COL11A1: variants seen among roughly 807,000 people sequenced by gnomAD.
The protein encoded by COL11A1 is collagen alpha-1(XI) chain.
A neutral mutation model predicts 265.2 loss-of-function variants in COL11A1; 74 were observed. That is an observed-to-expected ratio of 0.28 (90% CI 0.23 to 0.34). The LOEUF (loss-of-function observed/expected upper bound fraction) is 0.34, where lower values mean the gene tolerates loss of function less well. Among genes scored for constraint, COL11A1 ranks in the 10% least tolerant of loss-of-function variants. The pLI is 1.00. For missense variants in COL11A1, 2,165 were observed against 2,263.6 expected (o/e 0.96, Z 0.88); for synonymous variants, 816 against 727.6 (o/e 1.12, Z -1.96).
At chr1:102,990,084 C>T (rs1222645113) in intron 28 of COL11A1, among the ~76,000 whole-genome samples, 1 of 152,052 alleles carries the variant, frequency 6.6e-6, no homozygotes, top group Non-Finnish European at 1.5e-5. Flanking sequence ...ACTAAAAAAG[C>T]TGAGGTGGGA....
At chr1:102,974,799 A>G in intron 36 of COL11A1, 31 bp downstream of exon 36, 1 of 1,567,818 alleles carries the variant, frequency 6.4e-7, no homozygotes, top group Non-Finnish European at 8.8e-7. Context: ...ATATCAAATG[A>G]AGAAAGAGAA....
intron 4 of COL11A1, among the ~76,000 whole-genome samples, chr1:103,060,837 G>T (rs1390491598): frequency 6.6e-6 from 1 of 151,986 alleles, no homozygotes; most frequent in Non-Finnish European, 1.5e-5. Context: ...TGGTGGTACT[G>T]GAAGGATCAC....
At chr1:102,938,167 T>C (rs1484879930) in intron 44 of COL11A1, among the ~76,000 whole-genome samples, 1 of 152,192 alleles carries the variant, frequency 6.6e-6, no homozygotes, top group Non-Finnish European at 1.5e-5. Flanking sequence ...AAAAATCTTC[T>C]TTCCGTTATG....
chr1:103,046,629 T>G, intron 4 of COL11A1, among the ~76,000 whole-genome samples: 1 of 151,398 alleles, frequency 6.6e-6, no homozygotes, highest in Non-Finnish European at 1.5e-5. Flanking sequence ...ATTTGTCAAT[T>G]TTGTCTTTTG....
rs79648533 is a variant in COL11A1, at chr1:102,881,959, T to C, written c.4972-194A>G. ...TTTGAGATAGATCCTGTACATTCTA[T>C]GTAGTGAAGATTGAGTCATTTCCTT... is the stretch of plus-strand genomic sequence containing the variant. On this transcript the variant is annotated intron_variant, in intron 64 of 66. Transcript: ENST00000370096. Among the ~76,000 whole-genome samples, 4,844 of 152,248 alleles carry C rather than the reference T, an allele frequency of 0.032. 294 individuals are homozygous for C. The highest frequency in any genetic ancestry group is 0.11 in the African/African-American group (4,548 of 41,544).
At chr1:103,089,652 T>C (rs1419848029) in intron 1 of COL11A1, among the ~76,000 whole-genome samples, 1 of 152,166 alleles carries the variant, frequency 6.6e-6, no homozygotes, top group Non-Finnish European at 1.5e-5. Context: ...GCACAGTAAA[T>C]AATCAATGGA....
In COL11A1 at chr1:102,898,972, G is replaced by T; in HGVS notation, c.4109C>A (p.Ala1370Glu). The change falls in exon 55 of 67, where the codon GCA becomes GAA. Residue 1370 changes from alanine to glutamate, a missense_variant. By Grantham distance (107) the Ala-to-Glu change is moderately radical (BLOSUM62 -1). Transcript: ENST00000370096. ...GKRGPPGAAG[A>E]EGRQGEKGAK... ...ACCTTTTTCACCTTGTCTTCCCTCT[G>T]CACCTGCAGCTCCAGGAGGACCCTA... The T allele has an allele frequency of 6.5e-7, 1 of 1,538,506 alleles. No homozygotes were observed. Among genetic ancestry groups the T allele is most frequent in the Non-Finnish European group, 8.8e-7 (1 of 1,134,282 alleles).
chr1:103,025,582 T>G lies in COL11A1; in HGVS notation c.929A>C (p.Asn310Thr). The G allele has an allele frequency of 6.2e-7, 1 of 1,613,748 alleles. No individual in the cohort carries two copies. The highest frequency in any genetic ancestry group is 8.5e-7 in the Non-Finnish European group (1 of 1,179,838). ...CTGGTAACTTTCCATTGTTCCATAG[T>G]TGTATTCTTGAAAATCATCAACGAT... is the stretch of plus-strand genomic sequence containing the variant. ...ANIVDDFQEY[N>T]YGTMESYQTE... is the part of the protein sequence containing the mutation. The change falls in exon 7 of 67, where the codon AAC (asparagine) becomes ACC (threonine). Residue 310 changes from asparagine to threonine, a missense_variant. Physicochemically the swap from Asn to Thr is moderately conservative, Grantham distance 65 (BLOSUM62 0). Coordinates refer to ENST00000370096, the MANE Select transcript of COL11A1 (RefSeq NM_001854.4).
At chr1:103,000,612 C>A (rs1033503282) in intron 24 of COL11A1, among the ~76,000 whole-genome samples, 1 of 151,686 alleles carries the variant, frequency 6.6e-6, no homozygotes, top group African/African-American at 2.4e-5. Context: ...CAATAACAAG[C>A]ATTAGTGAGA....
Position 102,879,882 on chromosome 1 carries a change from T to C in COL11A1, c.5075A>G (p.Asn1692Ser), listed in dbSNP as rs771869146. 1.2e-6 allele frequency: 2 copies of C among 1,613,724 alleles called. No homozygotes were observed. The highest frequency in any genetic ancestry group is 1.7e-6 in the Non-Finnish European group (2 of 1,179,736). The change falls in exon 66 of 67, where the codon AAT becomes AGT. Residue 1692 changes from asparagine (N) to serine (S), a missense_variant. Physicochemically the swap from Asn to Ser is conservative, Grantham distance 46. Transcript: ENST00000370096. ...SYLDVEGNSI[N>S]MVQMTFLKLL... ...TTTCAGGAATGTCATTTGCACCATA[T>C]TGATGGAATTTCCTTCAACATCTAA...
intron 1 of COL11A1, among the ~76,000 whole-genome samples, chr1:103,090,189 C>T (rs1673206757): frequency 6.6e-6 from 1 of 151,876 alleles, no homozygotes; most frequent in East Asian, 1.9e-4. Flanking sequence ...AAGTAGCCTT[C>T]CTAATGTAGA....
chr1:103,047,810 G>A (rs1200052524), intron 4 of COL11A1, among the ~76,000 whole-genome samples: 1 of 152,172 alleles, frequency 6.6e-6, no homozygotes, highest in East Asian at 1.9e-4. Context: ...TTTTTAGCAT[G>A]AAGGGTTGTT....
chr1:102,982,819 G>T (rs985646290), intron 31 of COL11A1, among the ~76,000 whole-genome samples: 1 of 151,982 alleles, frequency 6.6e-6, no homozygotes, highest in African/African-American at 2.4e-5. Context: ...TACATATTCA[G>T]GGAGAAGGAT....
intron 54 of COL11A1, among the ~76,000 whole-genome samples, chr1:102,900,723 A>G (rs912992760): frequency 6.6e-6 from 1 of 152,156 alleles, no homozygotes; most frequent in African/African-American, 2.4e-5. Context: ...ATTTTAACAT[A>G]ACTAAATGAC....
intron 9 of COL11A1, 151 bp downstream of exon 9, chr1:103,021,556 A>T (rs148269907): frequency 5.0e-5 from 32 of 646,200 alleles, no homozygotes; most frequent in African/African-American, 2.4e-4. Context: ...TCTAGACAAG[A>T]CCTTATTAAC....
Position 102,915,515 on chromosome 1 carries a change from G to C in COL11A1, c.3816+116C>G, listed in dbSNP as rs1418358155. ...TTGTATTTGTGATTTTCCTTAATGA[G>C]TTGGGAAGGGAAAGTAAAATTCGAA... On this transcript the variant is annotated intron_variant, in intron 50 of 66. Coordinates refer to ENST00000370096, the MANE Select transcript of COL11A1 (RefSeq NM_001854.4). 4 of 864,504 alleles carry C rather than the reference G, an allele frequency of 4.6e-6. No individual in the cohort carries two copies. In the Admixed American group the frequency reaches 6.9e-5, roughly 15 times the overall value. 53.6% of individuals were successfully genotyped at this position (864,504 alleles called of 1,614,324 possible).
chr1:102,996,405 A>G (rs548654658), intron 26 of COL11A1, among the ~76,000 whole-genome samples: 75 of 152,088 alleles, frequency 4.9e-4, no homozygotes, highest in African/African-American at 1.7e-3. Flanking sequence ...AGTTATTGAA[A>G]AACTAACAAG....
At chr1:103,086,510 A>G (rs895094030) in intron 1 of COL11A1, among the ~76,000 whole-genome samples, 5 of 152,158 alleles carry the variant, frequency 3.3e-5, no homozygotes, top group Admixed American at 6.5e-5. Context: ...CCCGCCTCCC[A>G]GGTTCACGCC....
intron 31 of COL11A1, among the ~76,000 whole-genome samples, chr1:102,980,104 T>C (rs1266538022): frequency 6.6e-6 from 1 of 152,120 alleles, no homozygotes; most frequent in South Asian, 2.1e-4. Context: ...GTAAGTTTGG[T>C]ACATTACTTA....
Sources: gnomAD v4.1 joint callset for allele counts (sites outside exome capture counted in the v4.1 genomes callset) on GRCh38, gnomAD v4.1.1 for gene constraint, MANE v1.5 for transcripts, NCBI Gene and HGNC (gene_info 2026-07-23, HGNC 2026-07-21) for gene names.